Variants in TECPR1 observed in about 807,000 individuals in gnomAD.
TECPR1 encodes tectonin beta-propeller repeat-containing protein 1.
TECPR1 carries 122 observed loss-of-function variants against 162.4 expected under a neutral mutation model. The ratio of observed to expected loss-of-function variants is 0.75; its 90% CI spans 0.65 to 0.87. TECPR1 has a LOEUF of 0.87. Ranked by LOEUF, TECPR1 falls within the 40% of genes least tolerant of loss-of-function variation. TECPR1 has a pLI of 0.00. For synonymous variants in TECPR1, 642 were observed against 670.6 expected (o/e 0.96, Z 0.66); for missense variants, 1,432 against 1,618.2 (o/e 0.88, Z 1.97).
chr7:98,227,552 G>A (rs1421470882), intron 17 of TECPR1, among the ~76,000 whole-genome samples: 1 of 152,114 alleles, frequency 6.6e-6, no homozygotes, highest in East Asian at 1.9e-4. Context: ...CGGGCGTGGT[G>A]GCTCATGCCT....
At chr7:98,248,304 A>G (rs1420174878) in intron 2 of TECPR1, among the ~76,000 whole-genome samples, 1 of 152,148 alleles carries the variant, frequency 6.6e-6, no homozygotes, top group Non-Finnish European at 1.5e-5. Context: ...CCAACCCAGG[A>G]CACTGGCCCG....
chr7:98,222,714 C>A lies in TECPR1; in HGVS notation c.2929-193G>T, dbSNP rs1487337333. ...TGGGCGCATCTCATCCTCCTGCGAG[C>A]AGGGAAAGCGCCCCCGTGGGCGTGT... On this transcript the variant is annotated intron_variant, in intron 21 of 25. Transcript: ENST00000447648. 4.8e-6 allele frequency: 4 copies of A among 841,732 alleles called. No homozygotes were observed. The African/African-American group carries it at 6.8e-5, about 14-fold the overall frequency. The allele number at this position is 841,732 out of a possible 1,614,324, so 52.1% of individuals were successfully genotyped here.
chr7:98,227,694 C>T (rs1464677004), intron 17 of TECPR1, among the ~76,000 whole-genome samples: 4 of 151,664 alleles, frequency 2.6e-5, no homozygotes, highest in African/African-American at 9.7e-5. Flanking sequence ...TGGTGCCAGG[C>T]GCCTGTAATC....
chr7:98,238,638 T>C (rs1798662361), intron 8 of TECPR1, 28 bp from the exon 9 acceptor site: 12 of 1,531,066 alleles, frequency 7.8e-6, no homozygotes, highest in African/African-American at 1.4e-5. Flanking sequence ...AAACATGCCT[T>C]CCTGGAGGGC....
chr7:98,240,684 G>C (rs2116608887), intron 8 of TECPR1, among the ~76,000 whole-genome samples, 167 bp downstream of exon 8: 1 of 151,954 alleles, frequency 6.6e-6, no homozygotes, highest in Non-Finnish European at 1.5e-5. Context: ...CGATGTGCTG[G>C]GATTACAGAC....
Position 98,241,313 on chromosome 7 carries a change from G to C in TECPR1, c.658-69C>G. ...ACACCAGCCAAGCACGGGGGTCTCG[G>C]TGTGGTAGGGGGTAGGACCCATGTC... On this transcript the variant is annotated intron_variant, in intron 6 of 25. Coordinates refer to ENST00000447648, the MANE Select transcript of TECPR1 (RefSeq NM_015395.3). This position sits in a 1 kb window ranked among gnomAD's most constrained non-coding sequence, Gnocchi z 5.0. 6.3e-7 allele frequency: 1 copy of C among 1,580,000 alleles called. No homozygotes were observed. The highest frequency in any genetic ancestry group is 8.6e-7 in the Non-Finnish European group (1 of 1,156,922).
At chr7:98,234,706 T>C (rs13240406) in intron 10 of TECPR1, among the ~76,000 whole-genome samples, 1 of 11,288 alleles carries the variant, frequency 8.9e-5, no homozygotes, top group African/African-American at 3.4e-4. Context: ...TGTTATTGTC[T>C]TTTTTTTTTT....
intron 6 of TECPR1, 34 bp downstream of exon 6, chr7:98,243,433 G>T (rs1456821462): frequency 3.4e-5 from 55 of 1,609,974 alleles, no homozygotes; most frequent in Non-Finnish European, 4.3e-5. Flanking sequence ...GTGGGATCGT[G>T]GGGAGCCAGG....
chr7:98,217,673 G>A lies in TECPR1; in HGVS notation c.3384+19C>T, dbSNP rs1354970715. On this transcript the variant is annotated intron_variant, in intron 25 of 25. Transcript: ENST00000447648. ...GGCACAAGGTGATAACACAGCCCAA[G>A]GCCGCGGGCCCCGCTCACCCCGATG... The A allele has an allele frequency of 6.5e-7, 1 of 1,530,258 alleles. No homozygotes were observed. The highest frequency in any genetic ancestry group is 2.0e-5 in the Admixed American group (1 of 50,276). 94.8% of individuals were successfully genotyped at this position (1,530,258 alleles called of 1,614,324 possible). A position where few individuals can be genotyped will look rare whatever the true frequency, so the allele number is the denominator to read the frequency against.
intron 21 of TECPR1, 181 bp from the exon 22 acceptor site, chr7:98,222,702 T>A (rs1798173609): frequency 1.1e-6 from 1 of 869,990 alleles, no homozygotes; most frequent in Non-Finnish European, 1.7e-6. Context: ...GCGCATCTCA[T>A]CCTCCTGCGA....
Position 98,235,849 on chromosome 7 carries a change from A to AAAAAAACAAC in TECPR1, c.1181+926_1181+927insGTTGTTTTTT. On this transcript the variant is annotated intron_variant, in intron 10 of 25. Transcript: ENST00000447648. ...TCTCAAAAAAAAAAAAAAAAAAAAA[A>AAAAAAACAAC]AACACCATCTGAGCAGACTAAACCC... Among the ~76,000 whole-genome samples, 61 of 110,312 alleles carry AAAAAAACAAC rather than the reference A, an allele frequency of 5.5e-4. 10 individuals are homozygous for AAAAAAACAAC. Among genetic ancestry groups the AAAAAAACAAC allele is most frequent in the South Asian group, 1.5e-3 (6 of 3,894 alleles). 72.4% of individuals were successfully genotyped at this position (110,312 alleles called of 152,430 possible).
chr7:98,220,934 G>A (rs554577423), intron 23 of TECPR1, among the ~76,000 whole-genome samples: 2 of 149,796 alleles, frequency 1.3e-5, no homozygotes, highest in Non-Finnish European at 3.0e-5. Context: ...CAAGTGATCC[G>A]CCCACCTCAG....
At chr7:98,238,330 G>A (rs916898438) in intron 9 of TECPR1, among the ~76,000 whole-genome samples, 179 bp downstream of exon 9, 4 of 152,178 alleles carry the variant, frequency 2.6e-5, no homozygotes, top group Non-Finnish European at 5.9e-5. Context: ...CCACCGGGGG[G>A]GTGGGAGGAG....
chr7:98,226,931 T>A (rs1693004017), intron 17 of TECPR1, among the ~76,000 whole-genome samples: 2 of 150,496 alleles, frequency 1.3e-5, no homozygotes, highest in African/African-American at 4.9e-5. Context: ...AGACTGTGTC[T>A]CAAAAAACAA....
intron 17 of TECPR1, among the ~76,000 whole-genome samples, 189 bp downstream of exon 17, chr7:98,227,821 CAAAA>C (rs61468739): frequency 3.9e-5 from 4 of 102,590 alleles, no homozygotes; most frequent in African/African-American, 3.9e-5. Context: ...GACCCTGTAT[CAAAA>C]AAAAAAAAAA....
intron 23 of TECPR1, among the ~76,000 whole-genome samples, chr7:98,218,290 C>A (rs528823868): frequency 6.6e-6 from 1 of 152,226 alleles, no homozygotes; most frequent in South Asian, 2.1e-4. Context: ...CTCATAATCG[C>A]CCTATTGTGC....
Position 98,243,738 on chromosome 7 carries a change from AC to A in TECPR1, c.532-147del. 8.0e-6 allele frequency: 9 copies of A among 1,131,782 alleles called. No individual in the cohort carries two copies. In the South Asian group the frequency reaches 9.7e-5, roughly 12 times the overall value. 70.1% of individuals were successfully genotyped at this position (1,131,782 alleles called of 1,614,324 possible). On this transcript the variant is annotated intron_variant, in intron 5 of 25. Coordinates refer to ENST00000447648, the MANE Select transcript of TECPR1 (RefSeq NM_015395.3). ...AATTCACAGGGAAGGCAGCATCAGG[AC>A]TGTGGGGGCCCCTGCCCGGCTAATT...
intron 13 of TECPR1, 81 bp downstream of exon 13, chr7:98,231,722 AC>A: frequency 7.7e-7 from 1 of 1,293,192 alleles, no homozygotes; most frequent in Admixed American, 2.2e-5. Flanking sequence ...TCCCCTGGGC[AC>A]CCCCATTTCT....
chr7:98,231,747 A>G (rs1798447153), intron 13 of TECPR1, 57 bp downstream of exon 13: 2 of 1,548,468 alleles, frequency 1.3e-6, no homozygotes, highest in East Asian at 4.6e-5. Flanking sequence ...CCCCTCCTCT[A>G]GCACCCCAGC....
Sources: gnomAD v4.1 joint callset for allele counts (sites outside exome capture counted in the v4.1 genomes callset) on GRCh38, gnomAD v4.1.1 for gene constraint, Gnocchi (gnomAD v3.1) non-coding constraint, MANE v1.5 for transcripts, NCBI Gene and HGNC (gene_info 2026-07-23, HGNC 2026-07-21) for gene names.